IQUB: variants seen among roughly 807,000 people sequenced by gnomAD.
The protein encoded by IQUB is IQ motif and ubiquitin-like domain-containing protein.
IQUB carries 86 observed loss-of-function variants against 86.4 expected under a neutral mutation model. That is an observed-to-expected ratio of 1.00 (90% confidence interval 0.84 to 1.19). The LOEUF (loss-of-function observed/expected upper bound fraction) is 1.19. Among genes scored for constraint, IQUB ranks in the 50% most tolerant of loss-of-function variants. The probability of loss-of-function intolerance (pLI) is 0.00; values close to 1 mark genes in which losing one functional copy is unlikely to be tolerated. For synonymous variants in IQUB, 289 were observed against 304.5 expected (o/e 0.95, Z 0.53); for missense variants, 946 against 916.9 (o/e 1.03, Z -0.41).
At chr7:123,475,102 T>C (rs1427518142) in intron 8 of IQUB, among the ~76,000 whole-genome samples, 7 of 152,186 alleles carry the variant, frequency 4.6e-5, no homozygotes, top group African/African-American at 1.7e-4. Context: ...TTTAGTCACA[T>C]AACTAAAGAA....
intron 6 of IQUB, among the ~76,000 whole-genome samples, chr7:123,499,433 A>G (rs1322167248): frequency 6.6e-6 from 1 of 152,216 alleles, no homozygotes; most frequent in African/African-American, 2.4e-5. Context: ...TTTCTGAGAT[A>G]AGTTCCAGAT....
intron 1 of IQUB, among the ~76,000 whole-genome samples, chr7:123,521,247 T>C (rs1796887496): frequency 1.3e-5 from 2 of 152,142 alleles, no homozygotes; most frequent in African/African-American, 4.8e-5. Flanking sequence ...TCTGCCTCCA[T>C]TTCCTAGTTG....
chr7:123,528,365 G>T (rs1253227917), intron 1 of IQUB, among the ~76,000 whole-genome samples: 1 of 152,190 alleles, frequency 6.6e-6, no homozygotes, highest in Non-Finnish European at 1.5e-5. Context: ...TTAAAATAAA[G>T]CATAATATTA....
chr7:123,517,225 CT>C (rs1403789528), intron 1 of IQUB, among the ~76,000 whole-genome samples: 2 of 152,116 alleles, frequency 1.3e-5, no homozygotes, highest in African/African-American at 2.4e-5. Context: ...AATCTGACCT[CT>C]GCTTTAGAAA....
chr7:123,470,693 T>C (rs903891774), intron 8 of IQUB, among the ~76,000 whole-genome samples: 2 of 151,770 alleles, frequency 1.3e-5, no homozygotes, highest in Non-Finnish European at 2.9e-5. Flanking sequence ...CTACTAAAAC[T>C]ACAAAAAATT....
intron 10 of IQUB, 113 bp from the exon 11 acceptor site, chr7:123,461,718 TA>T (rs889802562): frequency 4.3e-3 from 3,709 of 860,808 alleles, no homozygotes; most frequent in South Asian, 6.7e-3. Flanking sequence ...GAATGAGATT[TA>T]AAAAAAAAAG....
intron 1 of IQUB, among the ~76,000 whole-genome samples, chr7:123,529,053 A>G (rs1689070247): frequency 6.6e-6 from 1 of 152,160 alleles, no homozygotes; most frequent in Non-Finnish European, 1.5e-5. Context: ...TCATTTTTTC[A>G]TTATTGTTAT....
chr7:123,500,753 T>G (rs1795906498), intron 6 of IQUB, among the ~76,000 whole-genome samples: 1 of 152,172 alleles, frequency 6.6e-6, no homozygotes. Context: ...GCCATCCTCG[T>G]TGGCAGCATT....
At chr7:123,468,304 A>G (rs541104422) in intron 9 of IQUB, among the ~76,000 whole-genome samples, 1 of 152,300 alleles carries the variant, frequency 6.6e-6, no homozygotes, top group Admixed American at 6.5e-5. Context: ...CTTAAAGCCA[A>G]TGACTACACT....
chr7:123,452,580 C>CTT lies in IQUB; in HGVS notation c.*161_*162dup. On this transcript the variant is annotated 3_prime_UTR_variant, in exon 13 of 13. Transcript: ENST00000324698. ...CCAACTTCCTAACAAAGAATACTTACTTATATAGAAATGTTTTCTCTTTAT... is the reference window on the plus strand; with the variant it reads ...CCAACTTCCTAACAAAGAATACTTACTTTTATATAGAAATGTTTTCTCTTTAT... 2.4e-6 allele frequency: 1 copy of CTT among 414,564 alleles called. No individual in the cohort carries two copies. 25.7% of individuals were successfully genotyped at this position (414,564 alleles called of 1,614,324 possible).
intron 1 of IQUB, among the ~76,000 whole-genome samples, chr7:123,532,017 A>G (rs1797558170): frequency 6.6e-6 from 1 of 152,210 alleles, no homozygotes; most frequent in South Asian, 2.1e-4. Flanking sequence ...GGAATTAGTA[A>G]CTATTTGATG....
At chr7:123,525,449 A>C (rs548443815) in intron 1 of IQUB, among the ~76,000 whole-genome samples, 2,621 of 152,166 alleles carry the variant, frequency 0.017, 80 homozygotes, top group African/African-American at 0.06. Flanking sequence ...TGTGTCCAGG[A>C]ATTTATCCAT....
chr7:123,458,670 A>G (rs1056753687), intron 11 of IQUB, among the ~76,000 whole-genome samples: 2 of 152,022 alleles, frequency 1.3e-5, no homozygotes, highest in African/African-American at 4.8e-5. Context: ...TAATTTTGAA[A>G]TTGTATCATA....
At chr7:123,492,805 C>T (rs1485735862) in intron 7 of IQUB, among the ~76,000 whole-genome samples, 2 of 152,152 alleles carry the variant, frequency 1.3e-5, no homozygotes, top group Non-Finnish European at 2.9e-5. Context: ...TGAACCGCAA[C>T]TCCCCTGGCC....
chr7:123,518,029 T>C (rs1016101211), intron 1 of IQUB, among the ~76,000 whole-genome samples: 13 of 152,350 alleles, frequency 8.5e-5, no homozygotes, highest in African/African-American at 2.9e-4. Context: ...GTTGATCCAA[T>C]AGGCCTAAGA....
chr7:123,488,727 C>A (rs766848383), intron 7 of IQUB, among the ~76,000 whole-genome samples: 15 of 152,130 alleles, frequency 9.9e-5, no homozygotes, highest in Non-Finnish European at 2.1e-4. Flanking sequence ...TTACCCCAAG[C>A]CTTGCAAGAA....
In IQUB at chr7:123,512,226, A is replaced by T. The variant is rs751069927; in HGVS notation, c.115T>A (p.Ser39Thr). The change falls in exon 2 of 13, where the codon TCA (serine) becomes ACA (threonine). Residue 39 changes from serine to threonine, a missense_variant. Coordinates refer to ENST00000324698, the MANE Select transcript of IQUB (RefSeq NM_178827.5). ...IPVPSEEPQESDQTEEHESGI... is the reference protein window; with the variant it reads ...IPVPSEEPQETDQTEEHESGI... ...GATTCATGCTCTTCAGTTTGATCTG[A>T]CTCTTGAGGCTCTTCTGAGGGAACT... 16 of 1,613,432 alleles carry T rather than the reference A, an allele frequency of 9.9e-6. No individual in the cohort carries two copies. The highest frequency in any genetic ancestry group is 3.3e-4 in the Middle Eastern group (2 of 6,084).
At chr7:123,490,222 AG>A (rs1255313254) in intron 7 of IQUB, among the ~76,000 whole-genome samples, 21 of 152,222 alleles carry the variant, frequency 1.4e-4, no homozygotes, top group Non-Finnish European at 2.4e-4. Flanking sequence ...CTAAACTAAC[AG>A]TGATCAAAAG....
In IQUB at chr7:123,452,762, G is replaced by T; in HGVS notation, c.2357C>A (p.Ser786Tyr). ...GATCACCTAATGAGGAGGCCTCTGG[G>T]ATTCTATAATCTTAGGTGTTGTGTC... The part of the protein sequence containing the change: ...HSDTTPKIIE[S>Y]QRPPH The change falls in exon 13 of 13, where the codon TCC (serine) becomes TAC (tyrosine). Residue 786 changes from serine (S) to tyrosine (Y), a missense_variant. Coordinates refer to ENST00000324698, the MANE Select transcript of IQUB (RefSeq NM_178827.5). 1 of 1,612,378 alleles carries T rather than the reference G, an allele frequency of 6.2e-7. No individual in the cohort carries two copies. The highest frequency in any genetic ancestry group is 8.5e-7 in the Non-Finnish European group (1 of 1,179,018).
Sources: gnomAD v4.1 joint callset for allele counts (sites outside exome capture counted in the v4.1 genomes callset) on GRCh38, gnomAD v4.1.1 for gene constraint, MANE v1.5 for transcripts, NCBI Gene and HGNC (gene_info 2026-07-23, HGNC 2026-07-21) for gene names.